Variants in PCDHA1 observed in about 807,000 individuals in gnomAD.
PCDHA1 encodes protocadherin alpha 1, also known as protocadherin alpha-1.
In PCDHA1, 42 loss-of-function variants were observed where a neutral mutation model predicts 61.3. That is an observed-to-expected ratio of 0.69 (90% CI 0.54 to 0.89). PCDHA1 has a LOEUF of 0.89. Ranked by LOEUF, PCDHA1 falls within the 40% of genes least tolerant of loss-of-function variation. PCDHA1 has a pLI of 0.00. For missense variants in PCDHA1, 1,256 were observed against 1,235.3 expected (o/e 1.02, Z -0.25); for synonymous variants, 610 against 553.8 (o/e 1.10, Z -1.43).
At chr5:140,828,029 C>T (rs1237418954) in intron 1 of PCDHA1, 16 of 1,519,884 alleles carry the variant, frequency 1.1e-5, no homozygotes, top group Non-Finnish European at 1.4e-5. Context: ...AATTCCGGAA[C>T]ATACAGTATT....
At position 140,870,626 on chromosome 5, in the gene PCDHA1, C is replaced by T. The variant is rs782773688; in HGVS notation, c.2394+81942C>T. 61 of 1,612,898 alleles carry T rather than the reference C, an allele frequency of 3.8e-5. No homozygotes were observed. Among genetic ancestry groups the T allele is most frequent in the Non-Finnish European group, 5.0e-5 (59 of 1,179,802 alleles). Reference sequence around the variant, plus strand: ...GACCGCGCGCTGTCGAGCTACGTGTCGGTGCACGCGGAGAGCGGCAAGGTG... The same window carrying T: ...GACCGCGCGCTGTCGAGCTACGTGTTGGTGCACGCGGAGAGCGGCAAGGTG... On this transcript the variant is annotated intron_variant, in intron 1 of 3. Transcript: ENST00000504120.
At chr5:140,997,129 C>T (rs983112049) in intron 3 of PCDHA1, among the ~76,000 whole-genome samples, 1 of 152,094 alleles carries the variant, frequency 6.6e-6, no homozygotes, top group Non-Finnish European at 1.5e-5. Flanking sequence ...ATACACAATG[C>T]CCCCACACCC....
intron 1 of PCDHA1, chr5:140,810,805 T>C (rs1764732440): frequency 6.6e-6 from 1 of 152,136 alleles, no homozygotes; most frequent in Non-Finnish European, 1.5e-5. Flanking sequence ...TAGTTTTTAA[T>C]TCTTTTTTGT....
chr5:140,888,533 T>C (rs2061866119), intron 1 of PCDHA1, among the ~76,000 whole-genome samples: 1 of 152,228 alleles, frequency 6.6e-6, no homozygotes, highest in South Asian at 2.1e-4. Flanking sequence ...TGAAGTTAAG[T>C]TGCTCAGTAC....
chr5:140,795,162 G>A, intron 1 of PCDHA1: 2 of 1,614,072 alleles, frequency 1.2e-6, no homozygotes, highest in Non-Finnish European at 1.7e-6. Flanking sequence ...TGTTCCGGGT[G>A]GCGTCCAAAA....
At position 140,857,034 on chromosome 5, in the gene PCDHA1, T is replaced by C. The variant is rs374158544; in HGVS notation, c.2394+68350T>C. On this transcript the variant is annotated intron_variant, in intron 1 of 3. Transcript: ENST00000504120. Reference sequence around the variant, plus strand: ...GTTACAGATAAGGGAAACCCACCTATGGTTGGTCACTGCACGGTCCTAGTG... The same window carrying C: ...GTTACAGATAAGGGAAACCCACCTACGGTTGGTCACTGCACGGTCCTAGTG... The C allele has an allele frequency of 5.6e-6, 9 of 1,595,714 alleles. No homozygotes were observed. The African/African-American group carries it at 8.1e-5, about 14-fold the overall frequency.
intron 2 of PCDHA1, 138 bp from the exon 3 acceptor site, chr5:140,982,337 A>G: frequency 6.9e-7 from 1 of 1,455,066 alleles, no homozygotes; most frequent in East Asian, 2.5e-5. Context: ...CTCAGCAGTA[A>G]TTGCTTCAGT....
At chr5:140,850,468 C>T in intron 1 of PCDHA1, 1 of 1,597,912 alleles carries the variant, frequency 6.3e-7, no homozygotes, top group Non-Finnish European at 8.6e-7. Context: ...GGGGAGCCAG[C>T]GCTGACGGCC....
chr5:140,967,472 G>C (rs782183935), intron 1 of PCDHA1: 3 of 1,613,430 alleles, frequency 1.9e-6, no homozygotes, highest in Non-Finnish European at 2.5e-6. Flanking sequence ...GGGCATCCCA[G>C]CCCGCTCGGG....
At chr5:140,797,754 A>G (rs1762260029) in intron 1 of PCDHA1, among the ~76,000 whole-genome samples, 1 of 152,206 alleles carries the variant, frequency 6.6e-6, no homozygotes, top group African/African-American at 2.4e-5. Flanking sequence ...AATCTGTCGG[A>G]TAGTGTTTGG....
chr5:140,837,523 T>G (rs1775100881), intron 1 of PCDHA1, among the ~76,000 whole-genome samples: 1 of 151,982 alleles, frequency 6.6e-6, no homozygotes. Flanking sequence ...TTACTTTTTT[T>G]GTATATTCCC....
intron 1 of PCDHA1, chr5:140,809,289 T>A (rs1764417465): frequency 6.2e-7 from 1 of 1,614,110 alleles, no homozygotes; most frequent in Admixed American, 1.7e-5. Flanking sequence ...GTATACCTGA[T>A]CATTGCCATC....
intron 1 of PCDHA1, among the ~76,000 whole-genome samples, chr5:140,819,726 A>G (rs1766606159): frequency 6.6e-6 from 1 of 152,118 alleles, no homozygotes; most frequent in Admixed American, 6.5e-5. Context: ...TTTAACAGAT[A>G]TGAAAGTGAA....
At chr5:140,961,652 G>A (rs2095627629) in intron 1 of PCDHA1, among the ~76,000 whole-genome samples, 1 of 152,212 alleles carries the variant, frequency 6.6e-6, no homozygotes, top group Non-Finnish European at 1.5e-5. Context: ...TATGTGGTTA[G>A]TTTGAAGTTA....
chr5:140,857,575 G>A (rs781888670), intron 1 of PCDHA1: 4 of 1,596,658 alleles, frequency 2.5e-6, no homozygotes, highest in East Asian at 4.5e-5. Context: ...ACGTGTCGGT[G>A]CACGCGGAGA....
At chr5:140,968,995 A>G in intron 1 of PCDHA1, 2 of 1,614,200 alleles carry the variant, frequency 1.2e-6, no homozygotes, top group Non-Finnish European at 1.7e-6. Flanking sequence ...CATGCTGTGG[A>G]GGCTTCTGTG....
At chr5:140,968,480 A>G in intron 1 of PCDHA1, 1 of 1,614,140 alleles carries the variant, frequency 6.2e-7, no homozygotes. Flanking sequence ...TGTGGTGGAC[A>G]TGAATGACCA....
chr5:140,876,792 A>C, intron 1 of PCDHA1: 1 of 1,614,116 alleles, frequency 6.2e-7, no homozygotes, highest in East Asian at 2.2e-5. Flanking sequence ...CCACGGCTAG[A>C]GTGTCCGTGG....
rs781938191 is a variant in PCDHA1 at position 140,871,499 on chromosome 5, GT to G, written c.2394+82819del. 14 of 1,584,318 alleles carry G rather than the reference GT, an allele frequency of 8.8e-6. No individual in the cohort carries two copies. In the East Asian group the frequency reaches 2.7e-4, roughly 31 times the overall value. On this transcript the variant is annotated intron_variant, in intron 1 of 3. Coordinates refer to ENST00000504120, the MANE Select transcript of PCDHA1 (RefSeq NM_018900.4). ...GGGTCAAATCACCCCGGACAGGTGAGTTTTCTACAGATTCCACCTATCAGGA... is the reference window on the plus strand; with the variant it reads ...GGGTCAAATCACCCCGGACAGGTGAGTTTCTACAGATTCCACCTATCAGGA...
Sources: gnomAD v4.1 joint callset for allele counts (sites outside exome capture counted in the v4.1 genomes callset) on GRCh38, gnomAD v4.1.1 for gene constraint, MANE v1.5 for transcripts, NCBI Gene and HGNC (gene_info 2026-07-23, HGNC 2026-07-21) for gene names.